Variants in RBM18 observed in about 807,000 individuals in gnomAD.
RBM18 encodes probable RNA-binding protein 18.
Under a neutral mutation model 26.4 loss-of-function variants are expected in RBM18, and 18 were observed. The observed-to-expected ratio is 0.68, with a 90% CI of 0.47 to 1.01. The LOEUF (loss-of-function observed/expected upper bound fraction) is 1.01, where lower values mean the gene tolerates loss of function less well. Among genes scored for constraint, RBM18 ranks in the 50% least tolerant of loss-of-function variants. RBM18 has a pLI of 0.00. For synonymous variants in RBM18, 74 were observed against 81.1 expected, an observed-to-expected ratio of 0.91 and a Z score of 0.47; for missense variants, 180 against 219.2, an observed-to-expected ratio of 0.82 and a Z score of 1.13.
intron 4 of RBM18, among the ~76,000 whole-genome samples, chr9:122,247,146 CCA>C (rs1831517744): frequency 6.6e-6 from 1 of 152,102 alleles, no homozygotes; most frequent in African/African-American, 2.4e-5. Context: ...ATTCAAATCT[CCA>C]CAGAGTCAAA....
At chr9:122,253,887 G>C (rs756772053) in intron 2 of RBM18, among the ~76,000 whole-genome samples, 4 of 151,812 alleles carry the variant, frequency 2.6e-5, no homozygotes, top group Non-Finnish European at 4.4e-5. Context: ...AATTAGCCAA[G>C]CATGGTGGCG....
chr9:122,255,811 G>C (rs1831685296), intron 2 of RBM18, among the ~76,000 whole-genome samples: 1 of 152,214 alleles, frequency 6.6e-6, no homozygotes, highest in East Asian at 1.9e-4. Flanking sequence ...TCATTGTCTA[G>C]CCTGGGCAAT....
intron 3 of RBM18, among the ~76,000 whole-genome samples, chr9:122,248,246 C>T (rs1257568399): frequency 6.6e-6 from 1 of 152,078 alleles, no homozygotes; most frequent in African/African-American, 2.4e-5. Context: ...GATACTTATT[C>T]CTCAGTGGTT....
chr9:122,246,660 G>A (rs529220882), intron 4 of RBM18, among the ~76,000 whole-genome samples: 89 of 152,302 alleles, frequency 5.8e-4, no homozygotes, highest in African/African-American at 2.1e-3. Flanking sequence ...CTTGGACATT[G>A]AGCTTAAATG....
At chr9:122,256,859 G>C (rs538590778) in intron 2 of RBM18, among the ~76,000 whole-genome samples, 1 of 152,228 alleles carries the variant, frequency 6.6e-6, no homozygotes, top group South Asian at 2.1e-4. Flanking sequence ...TAGAAGTAAT[G>C]CTCAGATCAT....
At chr9:122,258,465 C>T (rs931946345) in intron 2 of RBM18, among the ~76,000 whole-genome samples, 2 of 152,116 alleles carry the variant, frequency 1.3e-5, no homozygotes, top group Admixed American at 6.6e-5. Flanking sequence ...AATGGGGTTT[C>T]ACCACATTGG....
intron 3 of RBM18, among the ~76,000 whole-genome samples, chr9:122,249,900 A>G (rs1831570542): frequency 6.6e-6 from 1 of 151,720 alleles, no homozygotes; most frequent in Non-Finnish European, 1.5e-5. Flanking sequence ...GTGAAATGCC[A>G]TCTCTACAAA....
In RBM18 at chr9:122,259,291, T is replaced by C. The variant is rs190817742; in HGVS notation, c.113+2089A>G. ...CACAACCAACGCTGTTTCCACACTT[T>C]AGATTTCCATTTAGACAGGCAGAGG... On this transcript the variant is annotated intron_variant, in intron 2 of 5. Coordinates refer to ENST00000417201, the MANE Select transcript of RBM18 (RefSeq NM_033117.4). Among the ~76,000 whole-genome samples the C allele has an allele frequency of 2.6e-5, 4 of 152,320 alleles. No homozygotes were observed. The East Asian group carries it at 7.7e-4, about 29-fold the overall frequency.
At position 122,245,338 on chromosome 9, in the gene RBM18, A is replaced by T; in HGVS notation, c.331T>A (p.Tyr111Asn). Residue 111 changes from tyrosine (Y) to asparagine (N), a missense_variant, in exon 5 of 6, where the codon TAT becomes AAT. This residue lies in a region of RBM18 where 103 missense variants were observed against 102.8 expected (regional missense o/e 1.00). Transcript: ENST00000417201. Reference protein sequence around the residue: ...VRWAHAQVKRYDHNKNDKILP... With the variant: ...VRWAHAQVKRNDHNKNDKILP... ...ATCTTATCATTCTTGTTATGATCAT[A>T]TCTCTGAAAATGAGAAATAGAGAAA... 1 of 1,597,752 alleles carries T rather than the reference A, an allele frequency of 6.3e-7. No homozygotes were observed. Among genetic ancestry groups the T allele is most frequent in the Non-Finnish European group, 8.6e-7 (1 of 1,165,512 alleles).
In RBM18 at chr9:122,238,102, C is replaced by T. The variant is rs1023926070; in HGVS notation, c.*3782G>A. On this transcript the variant is annotated 3_prime_UTR_variant, in exon 6 of 6. Transcript: ENST00000417201. ...ATTAACCAGGTGACCCTGGCCAAAT[C>T]GCTTTGTCTCTCTGGGTTCCCGTTT... 6.6e-6 allele frequency: 1 copy of T among 152,314 alleles called. No individual in the cohort carries two copies. The highest frequency in any genetic ancestry group is 2.4e-5 in the African/African-American group (1 of 41,566). The allele number at this position is 152,314 out of a possible 1,614,324, so 9.4% of individuals were successfully genotyped here.
chr9:122,250,121 C>T (rs1026706376), intron 3 of RBM18, among the ~76,000 whole-genome samples: 2 of 149,594 alleles, frequency 1.3e-5, no homozygotes, highest in African/African-American at 4.9e-5. Flanking sequence ...ATTTCACTTC[C>T]CTCAAAATAC....
intron 3 of RBM18, among the ~76,000 whole-genome samples, chr9:122,251,586 G>A (rs948656639): frequency 2.6e-5 from 4 of 152,212 alleles, no homozygotes; most frequent in African/African-American, 9.6e-5. Context: ...ACATGTGCTC[G>A]ATGTGGGCAT....
At chr9:122,245,130 A>T in intron 5 of RBM18, 126 bp downstream of exon 5, 1 of 657,238 alleles carries the variant, frequency 1.5e-6, no homozygotes, top group Non-Finnish European at 2.7e-6. Flanking sequence ...CTAACTGAAC[A>T]TCTCTCTTGT....
intron 1 of RBM18, among the ~76,000 whole-genome samples, chr9:122,262,347 T>C (rs920122822): frequency 1.4e-4 from 22 of 152,322 alleles, no homozygotes; most frequent in Non-Finnish European, 2.6e-4. Context: ...TAATGCCTCA[T>C]GAAATTACAG....
rs1289555831 is a variant in RBM18 at position 122,241,997 on chromosome 9, C to T, written c.460G>A (p.Ala154Thr). The change falls in exon 6 of 6, where the codon GCG (alanine) becomes ACG (threonine). Residue 154 changes from alanine (A) to threonine (T), a missense_variant. Transcript: ENST00000417201. ...KAIEAKLKMM[A>T]ENPDAEYPAA... is the part of the protein sequence containing the mutation. ...GGATACTCTGCATCAGGATTTTCCG[C>T]CATCATTTTCAGTTTTGCTTCAATG... 6.2e-7 allele frequency: 1 copy of T among 1,614,032 alleles called. No homozygotes were observed. The highest frequency in any genetic ancestry group is 1.3e-5 in the African/African-American group (1 of 75,034).
Position 122,241,221 on chromosome 9 carries a change from TTAA to T in RBM18, c.*660_*662del, listed in dbSNP as rs1831410799. 6.6e-6 allele frequency: 1 copy of T among 152,270 alleles called. No homozygotes were observed. Among genetic ancestry groups the T allele is most frequent in the South Asian group, 2.1e-4 (1 of 4,832 alleles). The allele number at this position is 152,270 out of a possible 1,614,324, so 9.4% of individuals were successfully genotyped here. ...AGAACTTGTGTTGTGGTATAAAATG[TTAA>T]ATTTGATTCTAGTTTTGTCAACACA... is the stretch of plus-strand genomic sequence containing the variant. On this transcript the variant is annotated 3_prime_UTR_variant, in exon 6 of 6. Transcript: ENST00000417201.
At position 122,264,750 on chromosome 9, in the gene RBM18, C is replaced by G. The variant is rs377759911; in HGVS notation, c.-52G>C. Reference sequence around the variant, plus strand: ...CGGCGTGGTGCTCTCAGCTCATGCCCGGAAACCAGGTCCCGACGCCGCGGT... The same window carrying G: ...CGGCGTGGTGCTCTCAGCTCATGCCGGGAAACCAGGTCCCGACGCCGCGGT... On this transcript the variant is annotated 5_prime_UTR_variant, in exon 1 of 6. Coordinates refer to ENST00000417201, the MANE Select transcript of RBM18 (RefSeq NM_033117.4). 1 of 152,430 alleles carries G rather than the reference C, an allele frequency of 6.6e-6. No individual in the cohort carries two copies. The highest frequency in any genetic ancestry group is 1.5e-5 in the Non-Finnish European group (1 of 68,124). The allele number at this position is 152,430 out of a possible 1,614,324, so 9.4% of individuals were successfully genotyped here. A position where few individuals can be genotyped will look rare whatever the true frequency, so the allele number is the denominator to read the frequency against.
At chr9:122,245,106 A>G (rs113688926) in intron 5 of RBM18, 150 bp downstream of exon 5, 2 of 606,070 alleles carry the variant, frequency 3.3e-6, no homozygotes, top group Non-Finnish European at 2.9e-6. Flanking sequence ...GAGGAAATGT[A>G]TACATTCTGG....
intron 2 of RBM18, among the ~76,000 whole-genome samples, chr9:122,259,511 T>C (rs750643329): frequency 6.6e-6 from 1 of 152,180 alleles, no homozygotes; most frequent in African/African-American, 2.4e-5. Flanking sequence ...TAACATAATA[T>C]GTGGGCAACA....
Sources: allele counts gnomAD v4.1 joint callset (sites outside exome capture counted in the v4.1 genomes callset), GRCh38; gene constraint gnomAD v4.1.1; regional missense constraint gnomAD v4.1.1; transcripts MANE v1.5; gene names NCBI Gene and HGNC (gene_info 2026-07-23, HGNC 2026-07-21).